RANBP3: variants seen among roughly 807,000 people sequenced by gnomAD.
RANBP3 encodes ran-binding protein 3.
A neutral mutation model predicts 77.3 loss-of-function variants in RANBP3; 14 were observed. That is an observed-to-expected ratio of 0.18 (90% confidence interval 0.12 to 0.28). The LOEUF is 0.28. Ranked by LOEUF, RANBP3 falls within the 10% of genes least tolerant of loss-of-function variation. The pLI is 1.00. For synonymous variants in RANBP3, 315 were observed against 312.4 expected (o/e 1.01, Z -0.09); for missense variants, 586 against 752.3 (o/e 0.78, Z 2.59).
At chr19:5,945,637 G>A (rs1261596568) in intron 3 of RANBP3, among the ~76,000 whole-genome samples, 2 of 152,146 alleles carry the variant, frequency 1.3e-5, no homozygotes, top group African/African-American at 2.4e-5. Context: ...GTGTGGTACC[G>A]AAGCCTCCAA....
intron 1 of RANBP3, chr19:5,974,374 T>C (rs2058564445): frequency 6.6e-6 from 1 of 152,214 alleles, no homozygotes; most frequent in Non-Finnish European, 1.5e-5. Flanking sequence ...TCTTTACCTT[T>C]GCCAGGGACA....
intron 5 of RANBP3, 155 bp from the exon 6 acceptor site, chr19:5,933,634 C>T (rs771397446): frequency 5.9e-5 from 34 of 573,924 alleles, no homozygotes; most frequent in Admixed American, 9.9e-5. Context: ...AAGTCTCGTC[C>T]GATCAGCAGG....
intron 1 of RANBP3, among the ~76,000 whole-genome samples, chr19:5,963,199 T>C (rs904181974): frequency 6.6e-6 from 1 of 152,206 alleles, no homozygotes; most frequent in Non-Finnish European, 1.5e-5. Context: ...TGTTGAAACC[T>C]AGTTTGTAAA....
intron 1 of RANBP3, among the ~76,000 whole-genome samples, chr19:5,967,220 C>A (rs1490761904): frequency 6.6e-6 from 1 of 152,198 alleles, no homozygotes; most frequent in African/African-American, 2.4e-5. Flanking sequence ...TGACTCCGTT[C>A]TTTTCTCAAT....
intron 14 of RANBP3, among the ~76,000 whole-genome samples, chr19:5,919,590 A>G (rs960634454): frequency 2.4e-4 from 36 of 152,188 alleles, no homozygotes; most frequent in Admixed American, 3.9e-4. Context: ...ACGAGACAAA[A>G]GGAAAAACAC....
chr19:5,928,574 C>A, intron 8 of RANBP3: 1 of 152,766 alleles, frequency 6.5e-6, no homozygotes, highest in Non-Finnish European at 1.4e-5. Flanking sequence ...CCAATCCAGT[C>A]CCGTGTGTGT....
At chr19:5,947,970 C>A (rs551843857) in intron 3 of RANBP3, among the ~76,000 whole-genome samples, 1 of 152,254 alleles carries the variant, frequency 6.6e-6, no homozygotes, top group African/African-American at 2.4e-5. Flanking sequence ...ATTGCCCTGT[C>A]CAAAAAACAT....
intron 13 of RANBP3, 68 bp downstream of exon 13, chr19:5,923,126 A>T (rs2057848014): frequency 7.8e-7 from 1 of 1,278,642 alleles, no homozygotes; most frequent in Non-Finnish European, 1.1e-6. Flanking sequence ...ATGTGGGCCC[A>T]GCCCTTGCGG....
intron 5 of RANBP3, among the ~76,000 whole-genome samples, chr19:5,939,363 T>TCCCCAGCTCTGATCCCCA (rs1480294473): frequency 1.3e-5 from 2 of 152,132 alleles, no homozygotes; most frequent in African/African-American, 4.8e-5. Context: ...CCCCAGACTA[T>TCCCCAGCTCTGATCCCCA]GAGCTGAAGA....
At chr19:5,944,379 A>C (rs1300749301) in intron 3 of RANBP3, among the ~76,000 whole-genome samples, 1 of 152,174 alleles carries the variant, frequency 6.6e-6, no homozygotes, top group Non-Finnish European at 1.5e-5. Context: ...TTCTTGGGTG[A>C]CATCTGTGGG....
intron 1 of RANBP3, among the ~76,000 whole-genome samples, chr19:5,966,267 G>A (rs559618388): frequency 6.6e-6 from 1 of 152,174 alleles, no homozygotes; most frequent in Non-Finnish European, 1.5e-5. Flanking sequence ...GAGTTCCGGG[G>A]TCAGTGAAAG....
intron 13 of RANBP3, 35 bp downstream of exon 13, chr19:5,923,159 G>A (rs201637644): frequency 4.1e-5 from 64 of 1,571,756 alleles, no homozygotes; most frequent in South Asian, 2.1e-4. Context: ...GTGCATGGAA[G>A]ACCCAGGGCC....
chr19:5,940,690 A>G (rs2058124395), intron 5 of RANBP3, among the ~76,000 whole-genome samples: 1 of 152,198 alleles, frequency 6.6e-6, no homozygotes, highest in Non-Finnish European at 1.5e-5. Context: ...ATTTACATGA[A>G]CTTTCCAGGA....
chr19:5,964,312 GC>G (rs1282402496), intron 1 of RANBP3, among the ~76,000 whole-genome samples: 3 of 152,052 alleles, frequency 2.0e-5, no homozygotes, highest in African/African-American at 7.3e-5. Context: ...TGCTTGGCCT[GC>G]CCCCCCACCT....
At position 5,952,259 on chromosome 19, in the gene RANBP3, A is replaced by G. The variant is rs151229180; in HGVS notation, c.79-663T>C. Among the ~76,000 whole-genome samples the G allele has an allele frequency of 3.9e-5, 6 of 152,238 alleles. No individual in the cohort carries two copies. The highest frequency in any genetic ancestry group is 3.4e-3 in the Middle Eastern group (1 of 294). On this transcript the variant is annotated intron_variant, in intron 2 of 16. Transcript: ENST00000340578. The surrounding 1 kb of genome is among the most constrained non-coding windows in gnomAD (Gnocchi z 4.1). ...CATCAGTGGCAGGCGGGTAGTTCAG[A>G]TGAAGGAGGGGGGCAAATCCACAGA... is the stretch of plus-strand genomic sequence containing the variant.
At chr19:5,975,387 T>C (rs1051105891) in intron 1 of RANBP3, among the ~76,000 whole-genome samples, 1 of 152,008 alleles carries the variant, frequency 6.6e-6, no homozygotes, top group Non-Finnish European at 1.5e-5. Context: ...TTACAACCAA[T>C]AGCTCATGTG....
At chr19:5,935,022 A>G (rs537914440) in intron 5 of RANBP3, among the ~76,000 whole-genome samples, 2 of 152,232 alleles carry the variant, frequency 1.3e-5, no homozygotes, top group Admixed American at 1.3e-4. Flanking sequence ...TCTTTTTGGG[A>G]TGATGGAAAT....
rs760647597 is a variant in RANBP3 at position 5,931,424 on chromosome 19, C to T, written c.673G>A (p.Asp225Asn). The change falls in exon 8 of 17, where the codon GAT becomes AAT. Residue 225 changes from aspartate (D) to asparagine (N), a missense_variant. By Grantham distance (23) the Asp-to-Asn change is conservative. Around this residue, in one of 5 missense-constraint regions of RANBP3, gnomAD observed 232 missense variants for 271.7 expected, o/e 0.85. Coordinates refer to ENST00000340578, the MANE Select transcript of RANBP3 (RefSeq NM_007322.3). ...AAWRSPSEAA[D>N]EVCALEEKEP... ...CTGACCTCAAGTGCACACACCTCAT[C>T]GGCAGCTTCGGAAGGACTTCTCCAT... 128 of 1,612,338 alleles carry T rather than the reference C, an allele frequency of 7.9e-5. No individual in the cohort carries two copies. The highest frequency in any genetic ancestry group is 9.9e-5 in the Non-Finnish European group (117 of 1,179,244).
intron 2 of RANBP3, among the ~76,000 whole-genome samples, chr19:5,956,348 G>T (rs1350456284): frequency 6.6e-6 from 1 of 152,102 alleles, no homozygotes; most frequent in Non-Finnish European, 1.5e-5. Context: ...TAAAACTAGA[G>T]AAATGCACCA....
Sources: allele counts gnomAD v4.1 joint callset (sites outside exome capture counted in the v4.1 genomes callset), GRCh38; gene constraint gnomAD v4.1.1; regional missense constraint gnomAD v4.1.1; non-coding constraint Gnocchi (gnomAD v3.1); transcripts MANE v1.5; gene names NCBI Gene and HGNC (gene_info 2026-07-23, HGNC 2026-07-21).